Variants in LYST observed in about 807,000 individuals in gnomAD.
LYST encodes lysosomal-trafficking regulator.
In LYST, 192 loss-of-function variants were observed where a neutral mutation model predicts 413.6. The observed-to-expected ratio is 0.46, with a 90% CI of 0.41 to 0.52. The LOEUF is 0.52. LYST is among the 20% of genes least tolerant of loss of function. The pLI is 0.00. For synonymous variants in LYST, 1,525 were observed against 1,567.3 expected (o/e 0.97, Z 0.64); for missense variants, 3,815 against 4,499.9 (o/e 0.85, Z 4.35).
Position 235,830,247 on chromosome 1 carries a change from C to T in LYST, c.171G>A (p.Lys57=), listed in dbSNP as rs761573707. The T allele has an allele frequency of 3.7e-6, 6 of 1,613,402 alleles. No individual in the cohort carries two copies. Among genetic ancestry groups the T allele is most frequent in the African/African-American group, 1.3e-5 (1 of 74,990 alleles). ...TTACCTGATCAATTATAGAATTTAG[C>T]TTGGTAAGTAATAGAAATCCTCGAC... ...VHGRGFLLLT[K]LNSIIDQALT... is the part of the protein sequence containing the mutation. The change falls in exon 3 of 53, where the codon AAG becomes AAA. Residue 57 remains lysine (K), a synonymous_variant. Transcript: ENST00000389793.
At chr1:235,687,937 A>C (rs1403991225) in intron 47 of LYST, among the ~76,000 whole-genome samples, 4 of 152,142 alleles carry the variant, frequency 2.6e-5, no homozygotes, top group Non-Finnish European at 4.4e-5. Flanking sequence ...CCCTTGCACT[A>C]CAAGTGTGTT....
intron 41 of LYST, among the ~76,000 whole-genome samples, chr1:235,716,482 G>A (rs1364051842): frequency 6.6e-6 from 1 of 152,248 alleles, no homozygotes; most frequent in African/African-American, 2.4e-5. Context: ...TGAGTTACTG[G>A]CTTTCAATTT....
In LYST at chr1:235,755,654, A is replaced by C; in HGVS notation, c.7060-7T>G. ...CAAAATATGCATCTAATAGCTAAACAAAAAATTTAAGTCAATTTAGATAAT... is the reference window on the plus strand; with the variant it reads ...CAAAATATGCATCTAATAGCTAAACCAAAAATTTAAGTCAATTTAGATAAT... On this transcript the variant is annotated splice_region_variant and splice_polypyrimidine_tract_variant and intron_variant, in intron 24 of 52. Transcript: ENST00000389793. 1 of 1,545,862 alleles carries C rather than the reference A, an allele frequency of 6.5e-7. No homozygotes were observed.
chr1:235,724,999 G>A (rs540422721), intron 38 of LYST, among the ~76,000 whole-genome samples: 1 of 152,312 alleles, frequency 6.6e-6, no homozygotes, highest in Admixed American at 6.5e-5. Context: ...AATTGACGTA[G>A]GTTCACAGCA....
chr1:235,802,585 G>A (rs980387804), intron 8 of LYST, among the ~76,000 whole-genome samples: 2 of 152,032 alleles, frequency 1.3e-5, no homozygotes, highest in Non-Finnish European at 2.9e-5. Context: ...TTACTAATAC[G>A]ACATCACCCA....
intron 49 of LYST, 24 bp downstream of exon 49, chr1:235,677,456 T>A: frequency 6.2e-7 from 1 of 1,612,324 alleles, no homozygotes; most frequent in Non-Finnish European, 8.5e-7. Flanking sequence ...ATGCTATGTT[T>A]GATTTGGAGA....
rs571625897 is a variant in LYST, at chr1:235,695,027, C to A, written c.10565-1541G>T. Reference sequence around the variant, plus strand: ...CCTAACTTTCATCTGTAAGCTACAACATTGTTCAGTCAATGCCTCTCTAGA... The same window carrying A: ...CCTAACTTTCATCTGTAAGCTACAAAATTGTTCAGTCAATGCCTCTCTAGA... On this transcript the variant is annotated intron_variant, in intron 46 of 52. Coordinates refer to ENST00000389793, the MANE Select transcript of LYST (RefSeq NM_000081.4). Among the ~76,000 whole-genome samples, 87 of 152,348 alleles carry A rather than the reference C, an allele frequency of 5.7e-4. 1 individual carries two copies. Among genetic ancestry groups the A allele is most frequent in the African/African-American group, 2.0e-3 (84 of 41,590 alleles).
intron 31 of LYST, chr1:235,737,957 G>GAAAA: frequency 7.9e-7 from 1 of 1,273,648 alleles, no homozygotes; most frequent in East Asian, 3.1e-5. Context: ...CCCGCCGGAC[G>GAAAA]TGCATTCTCG....
chr1:235,765,360 C>T (rs1015819146), intron 21 of LYST, among the ~76,000 whole-genome samples: 5 of 152,146 alleles, frequency 3.3e-5, no homozygotes, highest in Admixed American at 1.3e-4. Flanking sequence ...TATAATTGGC[C>T]TTACTGCCCC....
intron 28 of LYST, among the ~76,000 whole-genome samples, chr1:235,750,000 T>A (rs1034170096): frequency 1.3e-5 from 2 of 152,080 alleles, no homozygotes; most frequent in South Asian, 2.1e-4. Context: ...GAATGAGAAG[T>A]ATCAATACAA....
chr1:235,781,854 A>C (rs1456072851), intron 15 of LYST, 73 bp downstream of exon 15: 1 of 1,032,186 alleles, frequency 9.7e-7, no homozygotes, highest in East Asian at 2.4e-5. Flanking sequence ...AAAAACTGGA[A>C]ATGTTTCAAA....
chr1:235,800,688 C>T (rs917509157), intron 9 of LYST, among the ~76,000 whole-genome samples, 183 bp downstream of exon 9: 2 of 152,106 alleles, frequency 1.3e-5, no homozygotes, highest in African/African-American at 2.4e-5. Flanking sequence ...TTCTATGCTA[C>T]TTTAGAAAAC....
chr1:235,766,718 C>T (rs942448920), intron 20 of LYST, among the ~76,000 whole-genome samples: 6 of 152,076 alleles, frequency 3.9e-5, no homozygotes, highest in African/African-American at 1.4e-4. Context: ...AACATAAACT[C>T]TTAGAATAGT....
In LYST at chr1:235,810,132, G is replaced by A. The variant is rs1263588385; in HGVS notation, c.686C>T (p.Pro229Leu). The change falls in exon 5 of 53, where the codon CCA (proline) becomes CTA (leucine). Residue 229 changes from proline to leucine, a missense_variant. Pro to Leu is a moderately conservative substitution (Grantham distance 98, BLOSUM62 -3). Transcript: ENST00000389793. ...MALENSREII[P>L]RQGSNTDILS... ...AATGTCAGTGTTTGACCCCTGTCTT[G>A]GAATAATCTCTCTGGAATTTTCCAA... 6.2e-7 allele frequency: 1 copy of A among 1,614,130 alleles called. No individual in the cohort carries two copies. Among genetic ancestry groups the A allele is most frequent in the East Asian group, 2.2e-5 (1 of 44,880 alleles).
At chr1:235,749,021 C>T (rs1388583956) in intron 28 of LYST, among the ~76,000 whole-genome samples, 1 of 152,072 alleles carries the variant, frequency 6.6e-6, no homozygotes, top group Admixed American at 6.5e-5. Context: ...CCCTACCACA[C>T]CTAAACATTT....
chr1:235,734,414 AAGT>A (rs925369862), intron 32 of LYST, 66 bp downstream of exon 32: 26 of 1,219,334 alleles, frequency 2.1e-5, no homozygotes, highest in Non-Finnish European at 1.8e-5. Flanking sequence ...GTTCTTAAAA[AAGT>A]AGTGTCAATC....
At chr1:235,732,367 T>C (rs1664458614) in intron 34 of LYST, among the ~76,000 whole-genome samples, 1 of 151,996 alleles carries the variant, frequency 6.6e-6, no homozygotes, top group Non-Finnish European at 1.5e-5. Context: ...CAGTGGCATG[T>C]TCATAGCTCA....
At position 235,761,347 on chromosome 1, in the gene LYST, G is replaced by C. The variant is rs543274069; in HGVS notation, c.6253+1373C>G. On this transcript the variant is annotated intron_variant, in intron 22 of 52. Coordinates refer to ENST00000389793, the MANE Select transcript of LYST (RefSeq NM_000081.4). ...ACAATAAGAGCAATGTCCCAGTATG[G>C]AAAAGGACAGTAGTCAGGAAAGGAA... Among the ~76,000 whole-genome samples, 29 of 152,280 alleles carry C rather than the reference G, an allele frequency of 1.9e-4. 1 individual carries two copies. The highest frequency in any genetic ancestry group is 7.2e-4 in the Admixed American group (11 of 15,302).
intron 10 of LYST, among the ~76,000 whole-genome samples, chr1:235,794,104 A>AT (rs1671315419): frequency 6.6e-6 from 1 of 152,114 alleles, no homozygotes; most frequent in Non-Finnish European, 1.5e-5. Context: ...AAGTTCAGGG[A>AT]TTACAGGTGT....
Sources: gnomAD v4.1 joint callset for allele counts (sites outside exome capture counted in the v4.1 genomes callset) on GRCh38, gnomAD v4.1.1 for gene constraint, MANE v1.5 for transcripts, NCBI Gene and HGNC (gene_info 2026-07-23, HGNC 2026-07-21) for gene names.